CDH20: variants seen among roughly 807,000 people sequenced by gnomAD.
The protein encoded by CDH20 is cadherin 20.
In CDH20, 29 loss-of-function variants were observed where a neutral mutation model predicts 74.2. The observed-to-expected ratio is 0.39, with a 90% CI of 0.29 to 0.53. The LOEUF (loss-of-function observed/expected upper bound fraction) is 0.53, where lower values mean the gene tolerates loss of function less well. Among genes scored for constraint, CDH20 ranks in the 20% least tolerant of loss-of-function variants. The pLI is 0.69. For missense variants in CDH20, 988 were observed against 1,048.3 expected (o/e 0.94, Z 0.79); for synonymous variants, 469 against 405.4 (o/e 1.16, Z -1.88).
intron 1 of CDH20, among the ~76,000 whole-genome samples, chr18:61,421,971 C>T (rs1162594403): frequency 6.6e-6 from 1 of 152,080 alleles, no homozygotes. Flanking sequence ...ATACAATGAA[C>T]TAATTTTTCA....
At chr18:61,539,530 G>C (rs1055031311) in intron 9 of CDH20, among the ~76,000 whole-genome samples, 1 of 152,132 alleles carries the variant, frequency 6.6e-6, no homozygotes, top group African/African-American at 2.4e-5. Context: ...TGCACACAAT[G>C]GCCGTATAAG....
chr18:61,451,420 T>C (rs992586172), intron 1 of CDH20, among the ~76,000 whole-genome samples: 1 of 152,120 alleles, frequency 6.6e-6, no homozygotes, highest in African/African-American at 2.4e-5. Context: ...CTATCACATC[T>C]GGATAGTGGG....
At chr18:61,462,724 A>AGG (rs140545583) in intron 1 of CDH20, among the ~76,000 whole-genome samples, 5 of 81,528 alleles carry the variant, frequency 6.1e-5, no homozygotes, top group Admixed American at 2.6e-4. Flanking sequence ...AAAAAAAAAA[A>AGG]GGGGGGGGGG....
chr18:61,337,012 G>T (rs2144080779), intron 1 of CDH20, among the ~76,000 whole-genome samples: 1 of 152,338 alleles, frequency 6.6e-6, no homozygotes, highest in Middle Eastern at 3.4e-3. Context: ...ACGGAATAAA[G>T]ATTTCATTGT....
At chr18:61,495,147 C>T (rs1050192850) in intron 2 of CDH20, among the ~76,000 whole-genome samples, 4 of 152,212 alleles carry the variant, frequency 2.6e-5, no homozygotes, top group African/African-American at 4.8e-5. Flanking sequence ...TGACTCTGCT[C>T]GGAAGCTTCT....
At chr18:61,417,807 A>G (rs1794195574) in intron 1 of CDH20, among the ~76,000 whole-genome samples, 1 of 152,116 alleles carries the variant, frequency 6.6e-6, no homozygotes, top group Non-Finnish European at 1.5e-5. Flanking sequence ...CTAAGAGTAG[A>G]ATTGCAGTGT....
chr18:61,478,492 C>T (rs1168838638), intron 1 of CDH20, among the ~76,000 whole-genome samples: 1 of 152,092 alleles, frequency 6.6e-6, no homozygotes, highest in Admixed American at 6.6e-5. Flanking sequence ...GGGAATCTTT[C>T]CCTACCTTTC....
At chr18:61,356,037 G>T (rs2144123388) in intron 1 of CDH20, among the ~76,000 whole-genome samples, 1 of 152,268 alleles carries the variant, frequency 6.6e-6, no homozygotes, top group South Asian at 2.1e-4. Flanking sequence ...TTGGCCCTCA[G>T]GGTGGGCTGG....
At chr18:61,437,864 T>C (rs1487449334) in intron 1 of CDH20, among the ~76,000 whole-genome samples, 1 of 152,210 alleles carries the variant, frequency 6.6e-6, no homozygotes, top group African/African-American at 2.4e-5. Flanking sequence ...GAATTTTCTA[T>C]TCATTCTGTC....
chr18:61,434,631 G>A (rs542385023), intron 1 of CDH20, among the ~76,000 whole-genome samples: 1 of 152,204 alleles, frequency 6.6e-6, no homozygotes, highest in Non-Finnish European at 1.5e-5. Flanking sequence ...TTTGTCCTGG[G>A]AGGTCTGGTG....
intron 11 of CDH20, among the ~76,000 whole-genome samples, chr18:61,552,029 A>C (rs570444867): frequency 6.6e-6 from 1 of 152,308 alleles, no homozygotes; most frequent in Admixed American, 6.5e-5. Flanking sequence ...GCTGTCATAA[A>C]ATCCTCACAG....
intron 7 of CDH20, among the ~76,000 whole-genome samples, chr18:61,531,312 C>T (rs1305981404): frequency 2.6e-5 from 4 of 152,060 alleles, no homozygotes; most frequent in African/African-American, 7.2e-5. Context: ...ACTATATTGC[C>T]GTAGGTCTGA....
In CDH20 at chr18:61,507,574, T is replaced by A. The variant is rs1426168718; in HGVS notation, c.1017+14T>A. 6.3e-7 allele frequency: 1 copy of A among 1,586,622 alleles called. No individual in the cohort carries two copies. The highest frequency in any genetic ancestry group is 8.6e-7 in the Non-Finnish European group (1 of 1,162,930). Reference sequence around the variant, plus strand: ...ACTGTGAAGAAGGTAATCCAACTCCTTTTTCTAAACCACTTTCATGGGTGC... The same window carrying A: ...ACTGTGAAGAAGGTAATCCAACTCCATTTTCTAAACCACTTTCATGGGTGC... On this transcript the variant is annotated intron_variant, in intron 6 of 11. Coordinates refer to ENST00000262717, the MANE Select transcript of CDH20 (RefSeq NM_031891.4).
At position 61,482,340 on chromosome 18, in the gene CDH20, A is replaced by G. The variant is rs1428068973; in HGVS notation, c.-152-8062A>G. Among the ~76,000 whole-genome samples, 3 of 152,196 alleles carry G rather than the reference A, an allele frequency of 2.0e-5. No individual in the cohort carries two copies. The East Asian group carries it at 5.8e-4, about 29-fold the overall frequency. Reference sequence around the variant, plus strand: ...CCCAACTTCCTGCCCTAACCCAGGCACAGAAGTTTAAGTCATGATTGTTTC... The same window carrying G: ...CCCAACTTCCTGCCCTAACCCAGGCGCAGAAGTTTAAGTCATGATTGTTTC... On this transcript the variant is annotated intron_variant, in intron 1 of 11. Coordinates refer to ENST00000262717, the MANE Select transcript of CDH20 (RefSeq NM_031891.4).
chr18:61,452,176 T>C (rs1051799408), intron 1 of CDH20, among the ~76,000 whole-genome samples: 1 of 152,198 alleles, frequency 6.6e-6, no homozygotes, highest in Admixed American at 6.5e-5. Context: ...TAAACTCTTA[T>C]CATTGTCTTC....
At chr18:61,550,721 T>C (rs1913404468) in intron 11 of CDH20, among the ~76,000 whole-genome samples, 1 of 152,214 alleles carries the variant, frequency 6.6e-6, no homozygotes, top group African/African-American at 2.4e-5. Flanking sequence ...GGCACCCCTG[T>C]GGCTCAAAGG....
At position 61,554,249 on chromosome 18, in the gene CDH20, G is replaced by A. The variant is rs202024779; in HGVS notation, c.1960G>A (p.Asp654Asn). 9 of 1,613,996 alleles carry A rather than the reference G, an allele frequency of 5.6e-6. No homozygotes were observed. Among genetic ancestry groups the A allele is most frequent in the African/African-American group, 1.3e-5 (1 of 75,042 alleles). ...RHRKQPYIIDDEENIHENIVR... is the reference protein window; with the variant it reads ...RHRKQPYIIDNEENIHENIVR... ...CCGGAAACAACCATACATCATCGAC[G>A]ACGAGGAAAACATCCACGAGAACAT... The change falls in exon 12 of 12, where the codon GAC becomes AAC. Residue 654 changes from aspartate to asparagine, a missense_variant. Asp to Asn is a conservative substitution (Grantham distance 23, BLOSUM62 1). Around this residue, in one of 2 missense-constraint regions of CDH20, gnomAD observed 375 missense variants for 293.1 expected, o/e 1.28. Transcript: ENST00000262717.
chr18:61,336,816 A>AT lies in CDH20; in HGVS notation c.-153+2990dup, dbSNP rs1555668875. On this transcript the variant is annotated intron_variant, in intron 1 of 11. Transcript: ENST00000262717. ...CGAGAACATAAATCAGCCAGAATAT[A>AT]TGGGGGGGGGTGATGAGAATAGGTC... Among the ~76,000 whole-genome samples, 155 of 36,660 alleles carry AT rather than the reference A, an allele frequency of 4.2e-3. 2 individuals are homozygous for AT. Among genetic ancestry groups the AT allele is most frequent in the African/African-American group, 0.011 (145 of 13,710 alleles). The allele number at this position is 36,660 out of a possible 152,430, so 24.1% of individuals were successfully genotyped here. A position where few individuals can be genotyped will look rare whatever the true frequency, so the allele number is the denominator to read the frequency against.
chr18:61,495,128 C>T (rs1468072167), intron 2 of CDH20, among the ~76,000 whole-genome samples: 1 of 152,202 alleles, frequency 6.6e-6, no homozygotes, highest in African/African-American at 2.4e-5. Context: ...ATGTACGTAA[C>T]TGTGCTGCTG....
Sources: gnomAD v4.1 joint callset for allele counts (sites outside exome capture counted in the v4.1 genomes callset) on GRCh38, gnomAD v4.1.1 for gene constraint, gnomAD v4.1.1 regional missense constraint, MANE v1.5 for transcripts, NCBI Gene and HGNC (gene_info 2026-07-23, HGNC 2026-07-21) for gene names.